Variants in NRXN1 observed in about 807,000 individuals in gnomAD.
The protein encoded by NRXN1 is neurexin 1, also known as neurexin-1.
NRXN1 carries 39 observed loss-of-function variants against 150.9 expected under a neutral mutation model. The observed-to-expected ratio is 0.26, with a 90% CI of 0.20 to 0.34. NRXN1 has a LOEUF of 0.34. Ranked by LOEUF, NRXN1 falls within the 10% of genes least tolerant of loss-of-function variation. The pLI is 1.00. For synonymous variants in NRXN1, 924 were observed against 757.0 expected, an observed-to-expected ratio of 1.22 and a Z score of -3.62; for missense variants, 1,815 against 1,949.9, an observed-to-expected ratio of 0.93 and a Z score of 1.30.
chr2:50,422,489 G>A (rs144805895), intron 17 of NRXN1, among the ~76,000 whole-genome samples: 37 of 152,208 alleles, frequency 2.4e-4, no homozygotes, highest in African/African-American at 7.5e-4. Flanking sequence ...TCTGGACATC[G>A]AAGAGGAAAA....
In NRXN1 at chr2:50,425,950, T is replaced by C. The variant is rs559670505; in HGVS notation, c.3364+39492A>G. ...AGGAGGCACACTGGGCATGCCAAAT[T>C]GTGGACATCCTTATCATATCCCAAC... On this transcript the variant is annotated intron_variant, in intron 17 of 22. Coordinates refer to ENST00000401669, the MANE Select transcript of NRXN1 (RefSeq NM_001330078.2). Among the ~76,000 whole-genome samples the C allele has an allele frequency of 2.6e-5, 4 of 152,294 alleles. No homozygotes were observed. In the South Asian group the frequency reaches 6.2e-4, roughly 24 times the overall value.
intron 18 of NRXN1, among the ~76,000 whole-genome samples, chr2:50,125,828 C>T (rs1704509272): frequency 6.6e-6 from 1 of 151,970 alleles, no homozygotes; most frequent in African/African-American, 2.4e-5. Context: ...ATGAGAGAAC[C>T]TGCATATTTT....
chr2:50,073,567 G>A lies in NRXN1; in HGVS notation c.3718+17756C>T, dbSNP rs141222283. ...CTTTCAAATCCTGCTTTTTGCTGGC[G>A]AAAATAGGTAGTCACAGTAGTGCTC... On this transcript the variant is annotated intron_variant, in intron 19 of 22. Coordinates refer to ENST00000401669, the MANE Select transcript of NRXN1 (RefSeq NM_001330078.2). Among the ~76,000 whole-genome samples the A allele has an allele frequency of 2.4e-3, 369 of 152,152 alleles. 1 individual carries two copies. The highest frequency in any genetic ancestry group is 8.4e-3 in the African/African-American group (348 of 41,502).
At chr2:50,154,349 G>A (rs751231381) in intron 18 of NRXN1, among the ~76,000 whole-genome samples, 1 of 151,360 alleles carries the variant, frequency 6.6e-6, no homozygotes, top group Non-Finnish European at 1.5e-5. Context: ...AATACCACCT[G>A]CTCCCTAAAA....
chr2:50,322,962 A>G (rs529154009), intron 17 of NRXN1, among the ~76,000 whole-genome samples: 58 of 152,318 alleles, frequency 3.8e-4, no homozygotes, highest in Admixed American at 6.5e-4. Flanking sequence ...TATGATTTTG[A>G]AAAGTTGAAA....
chr2:50,926,935 C>T (rs1248212605), intron 2 of NRXN1, among the ~76,000 whole-genome samples: 1 of 151,706 alleles, frequency 6.6e-6, no homozygotes, highest in Non-Finnish European at 1.5e-5. Flanking sequence ...GTGGAAAATT[C>T]AAGTTCTATT....
chr2:50,224,517 G>C (rs1343835470), intron 18 of NRXN1, among the ~76,000 whole-genome samples: 1 of 151,818 alleles, frequency 6.6e-6, no homozygotes, highest in Non-Finnish European at 1.5e-5. Context: ...TGATTTCAGA[G>C]GGGGAATTTA....
intron 17 of NRXN1, among the ~76,000 whole-genome samples, chr2:50,275,034 T>A (rs2070256227): frequency 1.3e-5 from 2 of 152,184 alleles, no homozygotes; most frequent in South Asian, 2.1e-4. Flanking sequence ...CAAAAGAAAC[T>A]AAGCATCATA....
chr2:50,464,690 T>A (rs2088625730), intron 17 of NRXN1, among the ~76,000 whole-genome samples: 1 of 151,960 alleles, frequency 6.6e-6, no homozygotes, highest in African/African-American at 2.4e-5. Context: ...TCTCTTAATA[T>A]AGCAGAATGC....
rs572082237 is a variant in NRXN1, at chr2:51,011,717, G to A, written c.772+15785C>T. Among the ~76,000 whole-genome samples the A allele has an allele frequency of 2.6e-4, 40 of 152,088 alleles. No homozygotes were observed. In the Middle Eastern group the frequency reaches 0.01, roughly 39 times the overall value. ...GGTAAGAAATGAGTCTGGATAAGGA[G>A]ACCAATTTATATACAAGTGCTTGCC... On this transcript the variant is annotated intron_variant, in intron 2 of 22. Transcript: ENST00000401669.
chr2:49,977,784 G>T (rs58725798), intron 21 of NRXN1, among the ~76,000 whole-genome samples: 2,969 of 152,268 alleles, frequency 0.019, 102 homozygotes, highest in African/African-American at 0.067. Context: ...TTTTTTAAAA[G>T]AATTAAAGTG....
chr2:50,439,364 C>G (rs1467000561), intron 17 of NRXN1, among the ~76,000 whole-genome samples: 1 of 152,130 alleles, frequency 6.6e-6, no homozygotes, highest in Admixed American at 6.6e-5. Flanking sequence ...TAAGAAAACC[C>G]TTAAGGAAAA....
At chr2:50,838,482 A>G (rs1327916844) in intron 5 of NRXN1, among the ~76,000 whole-genome samples, 11 of 152,134 alleles carry the variant, frequency 7.2e-5, no homozygotes, top group Non-Finnish European at 5.9e-5. Context: ...CTCAGAGAGT[A>G]TGCTATAAGC....
intron 2 of NRXN1, among the ~76,000 whole-genome samples, chr2:51,013,812 C>T (rs1488599661): frequency 6.6e-6 from 1 of 152,002 alleles, no homozygotes; most frequent in Non-Finnish European, 1.5e-5. Context: ...CAATTTTGTT[C>T]AAATCCATTT....
Position 50,167,336 on chromosome 2 carries a change from G to T in NRXN1, c.3546+69453C>A, listed in dbSNP as rs528894266. On this transcript the variant is annotated intron_variant, in intron 18 of 22. Transcript: ENST00000401669. ...TCTCCTAGGAATTTAATTATCCTTCGTTGGAGGAAATCCTCTCGCTCAACA... is the reference window on the plus strand; with the variant it reads ...TCTCCTAGGAATTTAATTATCCTTCTTTGGAGGAAATCCTCTCGCTCAACA... 2.2e-3 allele frequency among the ~76,000 whole-genome samples: 333 copies of T among 152,056 alleles called. 1 individual carries two copies. The highest frequency in any genetic ancestry group is 2.6e-3 in the Non-Finnish European group (176 of 67,982).
At position 50,499,520 on chromosome 2, in the gene NRXN1, A is replaced by G. The variant is rs2091829566; in HGVS notation, c.2498-1806T>C. On this transcript the variant is annotated intron_variant, in intron 13 of 22. Transcript: ENST00000401669. ...CTCCCCCAGTTCTTCTTGTTCAATGACCTCAATATTGTTCTGTGGGGATCT... is the reference window on the plus strand; with the variant it reads ...CTCCCCCAGTTCTTCTTGTTCAATGGCCTCAATATTGTTCTGTGGGGATCT... Among the ~76,000 whole-genome samples, 9 of 152,258 alleles carry G rather than the reference A, an allele frequency of 5.9e-5. No individual in the cohort carries two copies. The South Asian group carries it at 1.9e-3, about 32-fold the overall frequency.
intron 2 of NRXN1, among the ~76,000 whole-genome samples, chr2:51,003,669 TGGTAC>T (rs1250544872): frequency 6.6e-6 from 1 of 151,998 alleles, no homozygotes; most frequent in Non-Finnish European, 1.5e-5. Context: ...CTCTGACTCC[TGGTAC>T]ATATGACAAT....
chr2:50,498,808 T>C (rs1293948598), intron 13 of NRXN1, among the ~76,000 whole-genome samples: 1 of 152,220 alleles, frequency 6.6e-6, no homozygotes, highest in Admixed American at 6.5e-5. Context: ...TGTCAGTCAC[T>C]CTCTTCTGCA....
At chr2:49,956,942 G>A (rs947832586) in intron 21 of NRXN1, among the ~76,000 whole-genome samples, 1 of 152,144 alleles carries the variant, frequency 6.6e-6, no homozygotes, top group Non-Finnish European at 1.5e-5. Context: ...ATGGGTAGGG[G>A]AAATTGGCAG....
Sources: gnomAD v4.1 joint callset for allele counts (sites outside exome capture counted in the v4.1 genomes callset) on GRCh38, gnomAD v4.1.1 for gene constraint, MANE v1.5 for transcripts, NCBI Gene and HGNC (gene_info 2026-07-23, HGNC 2026-07-21) for gene names.